BMAL2: variants seen among roughly 807,000 people sequenced by gnomAD.
The protein encoded by BMAL2 is basic helix-loop-helix ARNT like 2.
chr12:27,359,431 A>G, the BMAL2 span, among the ~76,000 whole-genome samples: 8,356 of 152,234 alleles, frequency 0.055, 765 homozygotes, highest in African/African-American at 0.19. Context: ...GCTCATGCCT[A>G]TATTCCCAGC....
chr12:27,397,443 T>G, the BMAL2 span, among the ~76,000 whole-genome samples: 1 of 152,218 alleles, frequency 6.6e-6, no homozygotes, highest in African/African-American at 2.4e-5. Context: ...TTCTTCCCTT[T>G]TACCATGACA....
At chr12:27,401,067 C>T in the BMAL2 span, among the ~76,000 whole-genome samples, 1 of 152,092 alleles carries the variant, frequency 6.6e-6, no homozygotes, top group South Asian at 2.1e-4. Flanking sequence ...GGCTTCATGC[C>T]TGGGTGCCTG....
chr12:27,399,017 C>T, the BMAL2 span, among the ~76,000 whole-genome samples: 1 of 152,006 alleles, frequency 6.6e-6, no homozygotes, highest in Admixed American at 6.6e-5. Context: ...CTGGGTTGAT[C>T]GTGGCACCAG....
At chr12:27,332,891 C>T in the BMAL2 span, 1 of 234,670 alleles carries the variant, frequency 4.3e-6, no homozygotes, top group Non-Finnish European at 7.5e-6. Flanking sequence ...GCCGGCCGGG[C>T]TGCGGGGCGG....
chr12:27,408,334 A>G, the BMAL2 span, among the ~76,000 whole-genome samples: 7 of 152,356 alleles, frequency 4.6e-5, no homozygotes, highest in East Asian at 1.2e-3. Context: ...CATGGATACA[A>G]AAATCCTCAA....
the BMAL2 span, chr12:27,394,738 T>C: frequency 1.3e-5 from 2 of 152,208 alleles, no homozygotes; most frequent in African/African-American, 4.8e-5. Flanking sequence ...ATTCCCGACA[T>C]GATGGTATTT....
At chr12:27,361,816 T>C in the BMAL2 span, among the ~76,000 whole-genome samples, 3 of 152,168 alleles carry the variant, frequency 2.0e-5, no homozygotes, top group African/African-American at 7.2e-5. Flanking sequence ...GTTTTGAATA[T>C]ACTTCTACTG....
the BMAL2 span, chr12:27,402,666 A>G: frequency 6.2e-7 from 1 of 1,611,840 alleles, no homozygotes; most frequent in East Asian, 2.2e-5. Flanking sequence ...TGTAGCTCTC[A>G]ATCATCAGAA....
chr12:27,340,756 C>T, the BMAL2 span, among the ~76,000 whole-genome samples: 1 of 152,078 alleles, frequency 6.6e-6, no homozygotes, highest in Non-Finnish European at 1.5e-5. Flanking sequence ...GAATGTTTTT[C>T]CATTTTCTGT....
At chr12:27,401,215 ACACTCAC>A in the BMAL2 span, 8 of 1,461,132 alleles carry the variant, frequency 5.5e-6, no homozygotes, top group South Asian at 9.1e-5. Flanking sequence ...GGGAGGGAGT[ACACTCAC>A]CACTTCTGAA....
the BMAL2 span, chr12:27,400,698 G>A: frequency 6.2e-7 from 1 of 1,613,814 alleles, no homozygotes; most frequent in Non-Finnish European, 8.5e-7. Context: ...ACAGAACAGT[G>A]GAGAGATTAA....
At chr12:27,363,859 C>T in the BMAL2 span, among the ~76,000 whole-genome samples, 1 of 152,046 alleles carries the variant, frequency 6.6e-6, no homozygotes, top group Non-Finnish European at 1.5e-5. Context: ...CATTTTATGT[C>T]TTGGGAATTT....
the BMAL2 span, chr12:27,390,228 C>T: frequency 6.2e-7 from 1 of 1,613,506 alleles, no homozygotes; most frequent in Admixed American, 1.7e-5. Context: ...TTACCCAACT[C>T]AAAGAAGAAA....
the BMAL2 span, among the ~76,000 whole-genome samples, chr12:27,395,474 C>T: frequency 2.1e-4 from 32 of 152,104 alleles, no homozygotes; most frequent in African/African-American, 7.7e-4. Flanking sequence ...CTCCGTGGAA[C>T]TGCATAGCCC....
the BMAL2 span, chr12:27,403,558 GCAAATATTTT>G: frequency 1.4e-6 from 2 of 1,456,440 alleles, no homozygotes; most frequent in Admixed American, 3.9e-5. Context: ...TTTTATTGCT[GCAAATATTTT>G]CAAAAGTAAA....
At chr12:27,359,252 C>T in the BMAL2 span, among the ~76,000 whole-genome samples, 1 of 152,166 alleles carries the variant, frequency 6.6e-6, no homozygotes, top group Admixed American at 6.5e-5. Context: ...TTCCATGTTC[C>T]TTGTTGCAAG....
the BMAL2 span, among the ~76,000 whole-genome samples, chr12:27,376,798 A>C: frequency 2.0e-5 from 3 of 151,916 alleles, no homozygotes; most frequent in Non-Finnish European, 4.4e-5. Context: ...CAGGAGATCG[A>C]GACCATCCTG....
At chr12:27,404,202 A>T in the BMAL2 span, among the ~76,000 whole-genome samples, 1 of 142,074 alleles carries the variant, frequency 7.0e-6, no homozygotes, top group Non-Finnish European at 1.5e-5. Context: ...AAAAAAAAAA[A>T]ATACCACCAT....
At chr12:27,338,141 G>C in the BMAL2 span, among the ~76,000 whole-genome samples, 2 of 152,150 alleles carry the variant, frequency 1.3e-5, no homozygotes, top group East Asian at 1.9e-4. Context: ...AGAATAGTTT[G>C]CTTAAGGTGT....
Sources: gnomAD v4.1 joint callset for allele counts (sites outside exome capture counted in the v4.1 genomes callset) on GRCh38, gnomAD v4.1.1 for gene constraint, MANE v1.5 for transcripts, NCBI Gene and HGNC (gene_info 2026-07-23, HGNC 2026-07-21) for gene names.